USP9X: variants seen among roughly 807,000 people sequenced by gnomAD.
USP9X encodes the protein ubiquitin carboxyl-terminal hydrolase 9X.
A neutral mutation model predicts 190.3 loss-of-function variants in USP9X; 7 were observed. That is an observed-to-expected ratio of 0.04 (90% CI 0.02 to 0.07). The LOEUF (loss-of-function observed/expected upper bound fraction) is 0.07, where lower values mean the gene tolerates loss of function less well. USP9X is among the 10% of genes least tolerant of loss of function. USP9X has a pLI of 1.00. For synonymous variants in USP9X, 645 were observed against 659.5 expected, an observed-to-expected ratio of 0.98 and a Z score of 0.34; for missense variants, 1,010 against 1,916.9, an observed-to-expected ratio of 0.53 and a Z score of 8.83.
intron 1 of USP9X, among the ~76,000 whole-genome samples, chrX:41,102,639 A>T (rs968920621): frequency 2.7e-5 from 3 of 111,601 alleles, no homozygotes; most frequent in African/African-American, 9.8e-5. Context: ...GAAAAAGTTA[A>T]TTATTAATAC....
chrX:41,177,148 A>T (rs1236756464), intron 21 of USP9X, among the ~76,000 whole-genome samples: 1 of 112,192 alleles, frequency 8.9e-6, no homozygotes, highest in Non-Finnish European at 1.9e-5. Context: ...TTACATTAAC[A>T]TAGTATTATT....
intron 28 of USP9X, 116 bp from the exon 29 acceptor site, chrX:41,197,248 A>C: frequency 2.2e-6 from 1 of 454,418 alleles, no homozygotes; most frequent in Non-Finnish European, 3.6e-6. Flanking sequence ...TAAGGAAATT[A>C]TCTCATATCC....
chrX:41,148,463 A>G lies in USP9X; in HGVS notation c.1514A>G (p.His505Arg). Residue 505 changes from histidine to arginine, a missense_variant, in exon 12 of 45, where the codon CAC (histidine) becomes CGC (arginine). Coordinates refer to ENST00000378308, the MANE Select transcript of USP9X (RefSeq NM_001039591.3). Reference protein sequence around the residue: ...AEDDKDGVMAHKVLNLLWNLA... With the variant: ...AEDDKDGVMARKVLNLLWNLA... ...GATGATAAAGATGGTGTGATGGCAC[A>G]CAAAGTGTTGAACCTTCTGTGGAAT... 8.3e-7 allele frequency: 1 copy of G among 1,212,100 alleles called. No homozygotes were observed. Among genetic ancestry groups the G allele is most frequent in the Non-Finnish European group, 1.1e-6 (1 of 895,619 alleles).
rs747821412 is a variant in USP9X, at chrX:41,137,881, CT to C, written c.654+870del. On this transcript the variant is annotated intron_variant, in intron 6 of 44. Coordinates refer to ENST00000378308, the MANE Select transcript of USP9X (RefSeq NM_001039591.3). ...TACCTGTATTTCTTTTTAAATTTTA[CT>C]TTTTTTTTTTCTCTATGTGCCAGTA... 7.7e-3 allele frequency among the ~76,000 whole-genome samples: 802 copies of C among 104,510 alleles called. 5 individuals carry two copies. Among genetic ancestry groups the C allele is most frequent in the African/African-American group, 0.024 (703 of 29,037 alleles). 90.8% of individuals were successfully genotyped at this position (104,510 alleles called of 115,157 possible). A position where few individuals can be genotyped will look rare whatever the true frequency, so the allele number is the denominator to read the frequency against.
At chrX:41,204,696 C>A (rs2063074850) in intron 31 of USP9X, among the ~76,000 whole-genome samples, 1 of 111,384 alleles carries the variant, frequency 9.0e-6, no homozygotes, top group South Asian at 3.7e-4. Context: ...ACAGATTCAC[C>A]GTTGGTTTGC....
intron 25 of USP9X, 115 bp from the exon 26 acceptor site, chrX:41,189,194 G>A: frequency 1.5e-6 from 1 of 685,504 alleles, no homozygotes; most frequent in Non-Finnish European, 2.2e-6. Context: ...GCCATGGAGA[G>A]GCTGAGGCCA....
chrX:41,098,887 A>G (rs2062012703), intron 1 of USP9X, among the ~76,000 whole-genome samples: 1 of 106,864 alleles, frequency 9.4e-6, no homozygotes, highest in Non-Finnish European at 1.9e-5. Context: ...TATTAAATCC[A>G]TGATTTATTT....
At chrX:41,223,745 G>A (rs1030489546) in intron 39 of USP9X, among the ~76,000 whole-genome samples, 2 of 111,603 alleles carry the variant, frequency 1.8e-5, no homozygotes, top group African/African-American at 6.5e-5. Context: ...CCCTCTTTAC[G>A]GTAGTTTTTA....
intron 1 of USP9X, among the ~76,000 whole-genome samples, chrX:41,118,461 C>T (rs767247206): frequency 8.9e-6 from 1 of 111,972 alleles, no homozygotes; most frequent in Admixed American, 9.5e-5. Context: ...GTCAGAATTT[C>T]CTTTCTTTTT....
intron 6 of USP9X, among the ~76,000 whole-genome samples, chrX:41,138,098 T>C (rs1469380983): frequency 9.0e-6 from 1 of 111,439 alleles, no homozygotes; most frequent in Non-Finnish European, 1.9e-5. Flanking sequence ...TTTTTAAAAA[T>C]ATAGCCCAAA....
chrX:41,125,734 G>GCTCT (rs1257734482), intron 2 of USP9X, among the ~76,000 whole-genome samples: 1 of 97,094 alleles, frequency 1.0e-5, no homozygotes, highest in South Asian at 4.7e-4. Context: ...ACGCGCGCGC[G>GCTCT]CTCTCTCTCT....
intron 5 of USP9X, among the ~76,000 whole-genome samples, chrX:41,136,392 C>T (rs1286759846): frequency 8.9e-6 from 1 of 112,022 alleles, no homozygotes; most frequent in Non-Finnish European, 1.9e-5. Context: ...AACTCCTGGC[C>T]TCAAGTGATC....
At chrX:41,134,329 TAAGG>T (rs967086016) in intron 4 of USP9X, among the ~76,000 whole-genome samples, 1 of 112,379 alleles carries the variant, frequency 8.9e-6, no homozygotes, top group Admixed American at 9.4e-5. Context: ...GAGAGGCTAA[TAAGG>T]AAGACAAGAC....
At chrX:41,208,900 G>C (rs1366129040) in intron 32 of USP9X, among the ~76,000 whole-genome samples, 2 of 110,273 alleles carry the variant, frequency 1.8e-5, no homozygotes, top group Non-Finnish European at 3.8e-5. Flanking sequence ...AGTAGAGACA[G>C]AGTTTCATTG....
chrX:41,214,818 T>G, intron 34 of USP9X, 109 bp downstream of exon 34: 1 of 828,835 alleles, frequency 1.2e-6, no homozygotes, highest in Non-Finnish European at 1.7e-6. Context: ...TTTCTCCTAC[T>G]TTGGTATAGT....
At chrX:41,177,341 T>C (rs1419979157) in intron 21 of USP9X, among the ~76,000 whole-genome samples, 2 of 112,416 alleles carry the variant, frequency 1.8e-5, no homozygotes, top group Admixed American at 1.9e-4. Flanking sequence ...CTGGAATAGT[T>C]CCTCAGTCTT....
At chrX:41,168,595 C>T (rs572683276) in intron 18 of USP9X, among the ~76,000 whole-genome samples, 2 of 112,475 alleles carry the variant, frequency 1.8e-5, no homozygotes, top group South Asian at 3.6e-4. Flanking sequence ...CGGGCTCAAG[C>T]GACCTTTCCA....
rs1144689 is a variant in USP9X at position 41,183,481 on chromosome X, G to A, written c.3149-517G>A. 5.1e-3 allele frequency among the ~76,000 whole-genome samples: 570 copies of A among 111,516 alleles called. 2 individuals carry two copies. The highest frequency in any genetic ancestry group is 0.011 in the Admixed American group (113 of 10,563). ...ATTATGTTTTAATATTATGACAAAA[G>A]GACAAAAGCTCTGCTTGCTTTGAGG... On this transcript the variant is annotated intron_variant, in intron 21 of 44. Transcript: ENST00000378308.
At chrX:41,139,431 C>T (rs62584104) in intron 6 of USP9X, among the ~76,000 whole-genome samples, 96 of 112,400 alleles carry the variant, frequency 8.5e-4, no homozygotes, top group Non-Finnish European at 1.6e-3. Flanking sequence ...GAGGCCAAGA[C>T]GGGTGGATCA....
Sources: allele counts gnomAD v4.1 joint callset (sites outside exome capture counted in the v4.1 genomes callset), GRCh38; gene constraint gnomAD v4.1.1; transcripts MANE v1.5; gene names NCBI Gene and HGNC (gene_info 2026-07-23, HGNC 2026-07-21).